ARHGEF6: variants seen among roughly 807,000 people sequenced by gnomAD.
ARHGEF6 encodes the protein Rac/Cdc42 guanine nucleotide exchange factor 6, also known as rho guanine nucleotide exchange factor 6.
ARHGEF6 carries 9 observed loss-of-function variants against 70.3 expected under a neutral mutation model. The observed-to-expected ratio is 0.13, with a 90% CI of 0.08 to 0.22. The LOEUF is 0.22. ARHGEF6 is among the 10% of genes least tolerant of loss of function. ARHGEF6 has a pLI of 1.00. For missense variants in ARHGEF6, 470 were observed against 563.0 expected, an observed-to-expected ratio of 0.83 and a Z score of 1.67; for synonymous variants, 201 against 207.8, an observed-to-expected ratio of 0.97 and a Z score of 0.28.
chrX:136,748,983 C>A (rs1480967669), intron 2 of ARHGEF6, among the ~76,000 whole-genome samples: 1 of 111,943 alleles, frequency 8.9e-6, no homozygotes, highest in Non-Finnish European at 1.9e-5. Context: ...GGATTCACTG[C>A]TTTATTCATT....
At chrX:136,687,815 G>A (rs1276985057) in intron 11 of ARHGEF6, 117 bp downstream of exon 11, 1 of 653,930 alleles carries the variant, frequency 1.5e-6, no homozygotes, top group African/African-American at 2.2e-5. Flanking sequence ...ATACTGTCAT[G>A]AAAGCTTATT....
intron 2 of ARHGEF6, among the ~76,000 whole-genome samples, chrX:136,779,027 T>A (rs1340753655): frequency 9.0e-6 from 1 of 111,645 alleles, no homozygotes; most frequent in Non-Finnish European, 1.9e-5. Context: ...TCTAAAGTGT[T>A]AATGGGAAGG....
rs187652402 is a variant in ARHGEF6, at chrX:136,711,138, C to T, written c.827+2138G>A. Among the ~76,000 whole-genome samples the T allele has an allele frequency of 7.1e-5, 8 of 112,105 alleles. No homozygotes were observed. In the East Asian group the frequency reaches 2.2e-3, roughly 31 times the overall value. On this transcript the variant is annotated intron_variant, in intron 7 of 21. Coordinates refer to ENST00000250617, the MANE Select transcript of ARHGEF6 (RefSeq NM_004840.3). Reference sequence around the variant, plus strand: ...TTTCTCAAAGCTAAAAGTAGATCTACCATTCCATCCAGCAATCTCACTACT... The same window carrying T: ...TTTCTCAAAGCTAAAAGTAGATCTATCATTCCATCCAGCAATCTCACTACT...
intron 2 of ARHGEF6, among the ~76,000 whole-genome samples, chrX:136,752,629 C>T (rs2077164257): frequency 1.8e-5 from 2 of 111,723 alleles, no homozygotes; most frequent in Non-Finnish European, 3.8e-5. Context: ...TCAGTAACAC[C>T]CAATCAACTG....
chrX:136,725,519 C>CAAAAT (rs1162326341), intron 6 of ARHGEF6, among the ~76,000 whole-genome samples: 1 of 111,114 alleles, frequency 9.0e-6, no homozygotes, highest in East Asian at 2.8e-4. Context: ...AAAAGATCAA[C>CAAAAT]TGATGAACTT....
intron 9 of ARHGEF6, among the ~76,000 whole-genome samples, chrX:136,698,133 C>T (rs1438375664): frequency 9.0e-6 from 1 of 111,463 alleles, no homozygotes; most frequent in African/African-American, 3.3e-5. Context: ...TTTAAAATTT[C>T]ATTAGAGGGG....
intron 2 of ARHGEF6, chrX:136,767,370 C>A (rs2077326790): frequency 4.0e-6 from 3 of 755,100 alleles, no homozygotes; most frequent in Non-Finnish European, 3.1e-6. Flanking sequence ...CTCGCCCCAG[C>A]GGGGAGGGGC....
At chrX:136,764,443 A>T (rs2077293781) in intron 2 of ARHGEF6, among the ~76,000 whole-genome samples, 1 of 112,461 alleles carries the variant, frequency 8.9e-6, no homozygotes, top group Non-Finnish European at 1.9e-5. Context: ...ATTATACAGC[A>T]AGAAAAAAAG....
chrX:136,676,888 G>T, intron 17 of ARHGEF6, 171 bp from the exon 18 acceptor site: 1 of 455,337 alleles, frequency 2.2e-6, no homozygotes, highest in Non-Finnish European at 3.9e-6. Context: ...ACTCTAAAAG[G>T]TTAAATAAAA....
At chrX:136,750,199 C>A (rs765507489) in intron 2 of ARHGEF6, among the ~76,000 whole-genome samples, 1 of 112,053 alleles carries the variant, frequency 8.9e-6, no homozygotes, top group South Asian at 3.7e-4. Context: ...AAAGTACAGA[C>A]CACTTTTTCT....
At chrX:136,669,437 GA>G in intron 21 of ARHGEF6, 44 bp downstream of exon 21, 2 of 1,143,856 alleles carry the variant, frequency 1.7e-6, no homozygotes, top group Non-Finnish European at 2.4e-6. Flanking sequence ...GCAAGAAAAA[GA>G]GAATGGTTCT....
chrX:136,708,803 A>G, intron 7 of ARHGEF6, 33 bp from the exon 8 acceptor site: 2 of 1,049,358 alleles, frequency 1.9e-6, no homozygotes, highest in Non-Finnish European at 2.7e-6. Context: ...GTAGTTATCT[A>G]TTGTAGTCTA....
Position 136,672,000 on chromosome X carries a change from G to T in ARHGEF6, c.2135+20C>A, listed in dbSNP as rs746396628. 2.4e-5 allele frequency: 28 copies of T among 1,173,112 alleles called. No homozygotes were observed. In the Admixed American group the frequency reaches 5.7e-4, roughly 24 times the overall value. On this transcript the variant is annotated intron_variant, in intron 20 of 21. Transcript: ENST00000250617. The stretch of plus-strand genomic sequence containing the variant: ...CCAGCCCCAAGAGAAACTAGGCAAG[G>T]TTTTGCCTGCTCTACTCACTTTTCT...
intron 7 of ARHGEF6, 95 bp from the exon 8 acceptor site, chrX:136,708,865 T>C: frequency 1.6e-6 from 1 of 618,317 alleles, no homozygotes; most frequent in Non-Finnish European, 2.6e-6. Context: ...GTAATACCTA[T>C]ATTTTAACTT....
At chrX:136,707,164 A>G in intron 8 of ARHGEF6, 134 bp from the exon 9 acceptor site, 1 of 773,600 alleles carries the variant, frequency 1.3e-6, no homozygotes, top group Non-Finnish European at 1.9e-6. Context: ...CTATATTATA[A>G]CCATTTTACC....
Position 136,680,781 on chromosome X carries a change from A to G in ARHGEF6, c.1654T>C (p.Ser552Pro). The G allele has an allele frequency of 8.3e-7, 1 of 1,211,671 alleles. No homozygotes were observed. The highest frequency in any genetic ancestry group is 1.1e-6 in the Non-Finnish European group (1 of 895,175). ...QLNRLIRGPA[S>P]CSSLSKTSSS... ...GAGGTTTTGGATAATGAACTGCAAG[A>G]GGCAGGTCCTCTGATCAGTCTGTTC... is the stretch of plus-strand genomic sequence containing the variant. The change falls in exon 15 of 22, where the codon TCT (serine) becomes CCT (proline). Residue 552 changes from serine (S) to proline (P), a missense_variant. By Grantham distance (74) the Ser-to-Pro change is moderately conservative. This residue lies in a region of ARHGEF6 where 379 missense variants were observed against 449.3 expected (regional missense o/e 0.84). Transcript: ENST00000250617.
At chrX:136,715,108 C>T (rs969953203) in intron 6 of ARHGEF6, among the ~76,000 whole-genome samples, 1 of 111,038 alleles carries the variant, frequency 9.0e-6, no homozygotes, top group African/African-American at 3.3e-5. Flanking sequence ...AATTGTAACC[C>T]CTATACCCAG....
intron 12 of ARHGEF6, among the ~76,000 whole-genome samples, 160 bp from the exon 13 acceptor site, chrX:136,683,004 A>T (rs2076348531): frequency 1.8e-5 from 2 of 111,570 alleles, no homozygotes; most frequent in Non-Finnish European, 3.8e-5. Context: ...AAAACACAAA[A>T]CTAGTTGAAT....
chrX:136,767,358 G>A, intron 2 of ARHGEF6: 1 of 755,256 alleles, frequency 1.3e-6, no homozygotes, highest in Admixed American at 8.5e-5. Context: ...AGCTGGGCTA[G>A]GCTCGCCCCA....
Sources: allele counts gnomAD v4.1 joint callset (sites outside exome capture counted in the v4.1 genomes callset), GRCh38; gene constraint gnomAD v4.1.1; regional missense constraint gnomAD v4.1.1; transcripts MANE v1.5; gene names NCBI Gene and HGNC (gene_info 2026-07-23, HGNC 2026-07-21).